The following ELP1 variants were observed in gnomAD, a reference collection of about 807,000 sequenced individuals.
ELP1 encodes the protein elongator complex protein 1.
Under a neutral mutation model 183.2 loss-of-function variants are expected in ELP1, and 131 were observed. The observed-to-expected ratio is 0.72, with a 90% CI of 0.62 to 0.83. The LOEUF is 0.83. Ranked by LOEUF, ELP1 falls within the 40% of genes least tolerant of loss-of-function variation. ELP1 has a pLI of 0.00. For missense variants in ELP1, 1,550 were observed against 1,594.9 expected (o/e 0.97, Z 0.48); for synonymous variants, 555 against 569.0 (o/e 0.98, Z 0.35).
chr9:108,927,020 A>C (rs144916990), intron 4 of ELP1, among the ~76,000 whole-genome samples: 1 of 152,306 alleles, frequency 6.6e-6, no homozygotes, highest in East Asian at 1.9e-4. Context: ...CAACTCTTAG[A>C]ATAAGTTAAA....
chr9:108,898,768 A>C lies in ELP1; in HGVS notation c.2205-19T>G. On this transcript the variant is annotated intron_variant, in intron 20 of 36. Coordinates refer to ENST00000374647, the MANE Select transcript of ELP1 (RefSeq NM_003640.5). ...CATAAGTCTGTGAGAAGACAGAGAA[A>C]GAATAGAAAAGATATTCACAAAAAC... is the stretch of plus-strand genomic sequence containing the variant. 2.6e-6 allele frequency: 4 copies of C among 1,558,192 alleles called. No individual in the cohort carries two copies. Among genetic ancestry groups the C allele is most frequent in the Non-Finnish European group, 2.7e-6 (3 of 1,131,840 alleles).
Position 108,891,200 on chromosome 9 carries a change from T to C in ELP1, c.3160+3A>G. On this transcript the variant is annotated splice_donor_region_variant and intron_variant, in intron 28 of 36. Coordinates refer to ENST00000374647, the MANE Select transcript of ELP1 (RefSeq NM_003640.5). ...ATGTAAACATATAAATGATTGTACT[T>C]ACCTGCCAGAGTTCTGCCGAGGCCC... 6.2e-7 allele frequency: 1 copy of C among 1,613,970 alleles called. No homozygotes were observed. The highest frequency in any genetic ancestry group is 8.5e-7 in the Non-Finnish European group (1 of 1,179,824).
intron 10 of ELP1, 104 bp from the exon 11 acceptor site, chr9:108,912,598 T>A (rs1185118146): frequency 1.3e-5 from 10 of 790,418 alleles, no homozygotes; most frequent in Admixed American, 3.8e-5. Context: ...AAAGGACCCT[T>A]CCTGCTCAGC....
intron 6 of ELP1, among the ~76,000 whole-genome samples, chr9:108,921,884 GC>G (rs1400760216): frequency 1.3e-5 from 2 of 152,210 alleles, no homozygotes; most frequent in Non-Finnish European, 2.9e-5. Context: ...CCATTTGAGT[GC>G]CTACACTGTG....
At chr9:108,889,485 T>G in intron 28 of ELP1, 92 bp from the exon 29 acceptor site, 1 of 1,167,214 alleles carries the variant, frequency 8.6e-7, no homozygotes, top group Non-Finnish European at 1.3e-6. Context: ...TGTATGAAAC[T>G]ATGTACTTTC....
chr9:108,922,079 G>T (rs1829667335), intron 6 of ELP1, among the ~76,000 whole-genome samples: 1 of 152,186 alleles, frequency 6.6e-6, no homozygotes, highest in African/African-American at 2.4e-5. Flanking sequence ...TTCTAACAGA[G>T]ATCTGTAATG....
chr9:108,873,715 T>A (rs775036008), intron 36 of ELP1, among the ~76,000 whole-genome samples: 1 of 152,118 alleles, frequency 6.6e-6, no homozygotes, highest in Non-Finnish European at 1.5e-5. Context: ...CTAATGTAAG[T>A]TCCTAGCATC....
chr9:108,929,791 A>G lies in ELP1; in HGVS notation c.281T>C (p.Leu94Pro), dbSNP rs777478250. The G allele has an allele frequency of 6.2e-7, 1 of 1,614,060 alleles. No homozygotes were observed. The highest frequency in any genetic ancestry group is 2.2e-5 in the East Asian group (1 of 44,886). ...CVATASGDVI[L>P]CSLSTQQLEC... ...TACCTGTTGTGTGCTGAGACTGCAGAGTATGACGTCTCCAGAGGCTGTGGC... is the reference window on the plus strand; with the variant it reads ...TACCTGTTGTGTGCTGAGACTGCAGGGTATGACGTCTCCAGAGGCTGTGGC... Residue 94 changes from leucine to proline, a missense_variant, in exon 3 of 37, where the codon CTC becomes CCC. Physicochemically the swap from Leu to Pro is moderately conservative, Grantham distance 98 (BLOSUM62 -3). Coordinates refer to ENST00000374647, the MANE Select transcript of ELP1 (RefSeq NM_003640.5).
chr9:108,898,456 G>C, intron 22 of ELP1, 46 bp downstream of exon 22: 1 of 1,212,520 alleles, frequency 8.2e-7, no homozygotes, highest in Non-Finnish European at 1.2e-6. Context: ...AACAAGAAGA[G>C]AGAAAACTAT....
Position 108,931,051 on chromosome 9 carries a change from C to A in ELP1, c.96G>T (p.Thr32=). The A allele has an allele frequency of 1.2e-6, 2 of 1,614,080 alleles. No homozygotes were observed. The highest frequency in any genetic ancestry group is 1.7e-6 in the Non-Finnish European group (2 of 1,179,996). ...GGCCATGTTCTGAACCAATGAGCAC[C>A]GTCCCCTGTTCAGTTCGGAGAGAGA... is the stretch of plus-strand genomic sequence containing the variant. ...QCFSLRTEQG[T]VLIGSEHGLI... is the part of the protein sequence containing the mutation. Residue 32 remains threonine (T), a synonymous_variant, in exon 2 of 37, where the codon ACG becomes ACT. Coordinates refer to ENST00000374647, the MANE Select transcript of ELP1 (RefSeq NM_003640.5).
intron 5 of ELP1, among the ~76,000 whole-genome samples, chr9:108,925,064 G>A (rs932142315): frequency 6.6e-6 from 1 of 152,102 alleles, no homozygotes; most frequent in African/African-American, 2.4e-5. Context: ...AATGATTCCT[G>A]CTTCTAGCCC....
intron 1 of ELP1, 88 bp downstream of exon 1, chr9:108,933,776 A>C (rs1229950922): frequency 1.3e-5 from 2 of 152,978 alleles, no homozygotes; most frequent in Admixed American, 6.5e-5. Flanking sequence ...GGCCCGCAGC[A>C]GGCAGAGGAG....
chr9:108,896,186 G>C (rs560764553), intron 25 of ELP1, among the ~76,000 whole-genome samples: 1 of 152,106 alleles, frequency 6.6e-6, no homozygotes, highest in African/African-American at 2.4e-5. Flanking sequence ...GAACACGGGA[G>C]GTGGAACTTG....
intron 2 of ELP1, among the ~76,000 whole-genome samples, chr9:108,930,624 G>A (rs1167009736): frequency 6.6e-6 from 1 of 151,106 alleles, no homozygotes; most frequent in African/African-American, 2.4e-5. Context: ...CGGGGAGGCG[G>A]AGCTTGCAGT....
chr9:108,897,094 A>G (rs572830597), intron 23 of ELP1, 54 bp downstream of exon 23: 1 of 1,613,946 alleles, frequency 6.2e-7, no homozygotes, highest in East Asian at 2.2e-5. Flanking sequence ...CTGGACAAGG[A>G]CAACTACACA....
chr9:108,882,088 T>C, intron 30 of ELP1, 37 bp downstream of exon 30: 1 of 1,575,020 alleles, frequency 6.3e-7, no homozygotes, highest in South Asian at 1.1e-5. Context: ...TCTCTCTGCT[T>C]AGCACCCAAC....
intron 13 of ELP1, among the ~76,000 whole-genome samples, chr9:108,907,067 C>T (rs1829048922): frequency 1.3e-5 from 2 of 152,190 alleles, no homozygotes; most frequent in African/African-American, 2.4e-5. Context: ...TGGTCACTAG[C>T]CTGATCTTCC....
chr9:108,884,756 A>T (rs925972791), intron 29 of ELP1, among the ~76,000 whole-genome samples: 2 of 152,228 alleles, frequency 1.3e-5, no homozygotes, highest in African/African-American at 4.8e-5. Context: ...TAAACTATAA[A>T]GTAAGGAATC....
At chr9:108,932,405 G>T (rs944021419) in intron 1 of ELP1, among the ~76,000 whole-genome samples, 1 of 152,152 alleles carries the variant, frequency 6.6e-6, no homozygotes, top group Admixed American at 6.5e-5. Flanking sequence ...GCAATGGCGC[G>T]ATCTCGGCTC....
Sources: allele counts gnomAD v4.1 joint callset (sites outside exome capture counted in the v4.1 genomes callset), GRCh38; gene constraint gnomAD v4.1.1; transcripts MANE v1.5; gene names NCBI Gene and HGNC (gene_info 2026-07-23, HGNC 2026-07-21).